The following SLC30A6 variants were observed in gnomAD, a reference collection of about 807,000 sequenced individuals.
SLC30A6 encodes zinc transporter 6.
A neutral mutation model predicts 63.0 loss-of-function variants in SLC30A6; 55 were observed. The observed-to-expected ratio is 0.87, with a 90% confidence interval of 0.70 to 1.09. The LOEUF (loss-of-function observed/expected upper bound fraction) is 1.09, where lower values mean the gene tolerates loss of function less well. SLC30A6 is among the 50% of genes least tolerant of loss of function. The pLI is 0.00. For synonymous variants in SLC30A6, 224 were observed against 186.1 expected, an observed-to-expected ratio of 1.20 and a Z score of -1.66; for missense variants, 587 against 549.2, an observed-to-expected ratio of 1.07 and a Z score of -0.69.
At chr2:32,187,179 A>G (rs909163979) in intron 5 of SLC30A6, 2 of 471,024 alleles carry the variant, frequency 4.2e-6, no homozygotes, top group Non-Finnish European at 4.4e-6. Context: ...TGTCCTGTTC[A>G]GTCTCTCAGA....
rs418486 is a variant in SLC30A6, at chr2:32,179,675, A to C, written c.218+4314A>C. On this transcript the variant is annotated intron_variant, in intron 4 of 13. Coordinates refer to ENST00000282587, the MANE Select transcript of SLC30A6 (RefSeq NM_017964.5). ...GTTTTGAGGTCCTAATGAGGGGAAAAAGCAAGATACACAACAGTGTATATA... is the reference window on the plus strand; with the variant it reads ...GTTTTGAGGTCCTAATGAGGGGAAACAGCAAGATACACAACAGTGTATATA... Among the ~76,000 whole-genome samples, 1,392 of 152,246 alleles carry C rather than the reference A, an allele frequency of 9.1e-3. 21 individuals are homozygous for C. Among genetic ancestry groups the C allele is most frequent in the African/African-American group, 0.031 (1,295 of 41,556 alleles).
intron 2 of SLC30A6, among the ~76,000 whole-genome samples, chr2:32,172,544 C>G (rs567342694): frequency 1.8e-4 from 27 of 152,176 alleles, no homozygotes; most frequent in African/African-American, 6.5e-4. Flanking sequence ...GTTCTCAACT[C>G]TTTTGTGCTC....
intron 3 of SLC30A6, 66 bp downstream of exon 3, chr2:32,174,213 G>A (rs1259148380): frequency 1.7e-6 from 2 of 1,175,868 alleles, no homozygotes; most frequent in Non-Finnish European, 2.5e-6. Context: ...TGGAAATAAA[G>A]GTATATCTTA....
chr2:32,191,778 T>C (rs780909540), intron 5 of SLC30A6, among the ~76,000 whole-genome samples: 1 of 152,144 alleles, frequency 6.6e-6, no homozygotes, highest in Non-Finnish European at 1.5e-5. Context: ...TAGTCCCATC[T>C]ACTCGGGAGG....
chr2:32,214,819 G>A (rs966470998), intron 13 of SLC30A6, among the ~76,000 whole-genome samples: 2 of 152,162 alleles, frequency 1.3e-5, no homozygotes, highest in South Asian at 4.1e-4. Flanking sequence ...TAATTACTTT[G>A]ATTTCCATAT....
At chr2:32,173,012 C>T (rs1681372656) in intron 2 of SLC30A6, among the ~76,000 whole-genome samples, 1 of 152,218 alleles carries the variant, frequency 6.6e-6, no homozygotes. Flanking sequence ...AATCCTTTCA[C>T]TTGTTGCCTA....
In SLC30A6 at chr2:32,175,361, G is replaced by A; in HGVS notation, c.218G>A (p.Ser73Asn). 1 of 1,610,490 alleles carries A rather than the reference G, an allele frequency of 6.2e-7. No homozygotes were observed. The highest frequency in any genetic ancestry group is 8.5e-7 in the Non-Finnish European group (1 of 1,179,010). The change falls in exon 4 of 14, where the codon AGT becomes AAT. Residue 73 changes from serine (S) to asparagine (N), a missense_variant and splice_region_variant. By Grantham distance (46) the Ser-to-Asn change is conservative (BLOSUM62 1). Transcript: ENST00000282587. Reference protein sequence around the residue: ...YTYLTIFDLFSLMTCLISYWV... With the variant: ...YTYLTIFDLFNLMTCLISYWV... ...TACCTGACCATTTTTGATCTTTTTAGGTAAGTTTTTAGGAAATCTTAATGT... is the reference window on the plus strand; with the variant it reads ...TACCTGACCATTTTTGATCTTTTTAAGTAAGTTTTTAGGAAATCTTAATGT...
intron 10 of SLC30A6, chr2:32,202,782 G>A (rs1684410130): frequency 6.9e-6 from 5 of 724,252 alleles, no homozygotes; most frequent in Non-Finnish European, 7.6e-6. Flanking sequence ...TTTTTCTGCA[G>A]CTCGCCCACA....
intron 8 of SLC30A6, among the ~76,000 whole-genome samples, chr2:32,196,725 A>G (rs1244205140): frequency 6.6e-6 from 1 of 152,134 alleles, no homozygotes; most frequent in Non-Finnish European, 1.5e-5. Flanking sequence ...GCCTGTACCT[A>G]TGGCCCGTTC....
rs1478115820 is a variant in SLC30A6, at chr2:32,193,969, C to T, written c.482C>T (p.Ala161Val). Residue 161 changes from alanine to valine, a missense_variant, in exon 8 of 14, where the codon GCT (alanine) becomes GTT (valine). Coordinates refer to ENST00000282587, the MANE Select transcript of SLC30A6 (RefSeq NM_017964.5). Reference protein sequence around the residue: ...TMLSIRNKPFAYVSEAASTSW... With the variant: ...TMLSIRNKPFVYVSEAASTSW... ...CTTTCTATTCGGAATAAACCTTTTG[C>T]TTATGTCTCAGAAGGTATGTTTTTT... 1 of 1,612,174 alleles carries T rather than the reference C, an allele frequency of 6.2e-7. No homozygotes were observed. Among genetic ancestry groups the T allele is most frequent in the African/African-American group, 1.3e-5 (1 of 74,826 alleles).
At chr2:32,212,734 C>G (rs1236023727) in intron 13 of SLC30A6, among the ~76,000 whole-genome samples, 1 of 150,984 alleles carries the variant, frequency 6.6e-6, no homozygotes, top group Non-Finnish European at 1.5e-5. Context: ...GTAGCTGGGA[C>G]TACAGGTGCA....
In SLC30A6 at chr2:32,197,745, T is replaced by C; in HGVS notation, c.584T>C (p.Leu195Pro). 4 of 1,614,174 alleles carry C rather than the reference T, an allele frequency of 2.5e-6. No homozygotes were observed. The highest frequency in any genetic ancestry group is 3.4e-6 in the Non-Finnish European group (4 of 1,179,998). The change falls in exon 10 of 14, where the codon CTT becomes CCT. Residue 195 changes from leucine (L) to proline (P), a missense_variant. Coordinates refer to ENST00000282587, the MANE Select transcript of SLC30A6 (RefSeq NM_017964.5). ...GIIPGLSSIFLPRMNPFVLID... is the reference protein window; with the variant it reads ...GIIPGLSSIFPPRMNPFVLID... ...ATTCCGGGACTTAGCAGTATCTTCC[T>C]TCCCCGAATGAATCCATTTGTTTTG...
intron 5 of SLC30A6, among the ~76,000 whole-genome samples, chr2:32,189,296 T>C (rs1683111101): frequency 6.7e-6 from 1 of 148,766 alleles, no homozygotes; most frequent in African/African-American, 2.5e-5. Flanking sequence ...TTTTTTTTTT[T>C]TTTTCTTTTT....
In SLC30A6 at chr2:32,216,534, A is replaced by AAAATAAATAAAT. The variant is rs199888607; in HGVS notation, c.886-3640_886-3629dup. 1.1e-3 allele frequency among the ~76,000 whole-genome samples: 144 copies of AAAATAAATAAAT among 133,082 alleles called. 1 individual carries two copies. The highest frequency in any genetic ancestry group is 2.5e-3 in the South Asian group (10 of 4,000). 87.3% of individuals were successfully genotyped at this position (133,082 alleles called of 152,430 possible). ...CTGGGCAAGAGAGCAAGACTCTCTC[A>AAAATAAATAAAT]AAATAAATAAATAAATAAATAAATA... On this transcript the variant is annotated intron_variant, in intron 13 of 13. Transcript: ENST00000282587.
Position 32,220,587 on chromosome 2 carries a change from C to T in SLC30A6, c.1260C>T (p.Tyr420=), listed in dbSNP as rs749173743. Residue 420 remains tyrosine (Y), a synonymous_variant, in exon 14 of 14, where the codon TAC becomes TAT. Transcript: ENST00000282587. ...GTCTCAATCATGGACACACACCTTA[C>T]AGCAGCATGCTTAATCAAGGACTTG... The part of the protein sequence containing the change: ...GFGLNHGHTP[Y]SSMLNQGLGV... The T allele has an allele frequency of 1.9e-6, 3 of 1,614,202 alleles. No homozygotes were observed. Among genetic ancestry groups the T allele is most frequent in the African/African-American group, 2.7e-5 (2 of 75,050 alleles).
intron 10 of SLC30A6, chr2:32,202,198 C>A: frequency 2.5e-6 from 2 of 808,408 alleles, no homozygotes; most frequent in South Asian, 3.4e-5. Context: ...CTTTCCTGTT[C>A]AAGTTAAGAC....
Position 32,204,583 on chromosome 2 carries a change from C to G in SLC30A6, c.666-7C>G. On this transcript the variant is annotated splice_polypyrimidine_tract_variant and splice_region_variant and intron_variant, in intron 10 of 13. Transcript: ENST00000282587. The stretch of plus-strand genomic sequence containing the variant: ...ATTTAAAATTTAGAATTGTTTTTTC[C>G]TTTTAGTAATTATTTTGCCGTAGAC... The G allele has an allele frequency of 6.3e-7, 1 of 1,597,086 alleles. No homozygotes were observed. Among genetic ancestry groups the G allele is most frequent in the Non-Finnish European group, 8.6e-7 (1 of 1,167,360 alleles).
At chr2:32,201,704 A>G in intron 10 of SLC30A6, 7 of 1,410,190 alleles carry the variant, frequency 5.0e-6, no homozygotes, top group Non-Finnish European at 6.9e-6. Flanking sequence ...TGGATATCAC[A>G]GTTTCGGCTA....
chr2:32,203,082 G>T lies in SLC30A6; in HGVS notation c.666-1508G>T, dbSNP rs1438698870. ...TGGGGACATTGCACAGTCACAAAGA[G>T]AATTTACACTAAAAGACTTCAGAGA... On this transcript the variant is annotated intron_variant, in intron 10 of 13. Transcript: ENST00000282587. The T allele has an allele frequency of 3.8e-6, 5 of 1,307,156 alleles. No homozygotes were observed. In the South Asian group the frequency reaches 5.9e-5, roughly 15 times the overall value. The allele number at this position is 1,307,156 out of a possible 1,614,324, so 81.0% of individuals were successfully genotyped here.
Sources: gnomAD v4.1 joint callset for allele counts (sites outside exome capture counted in the v4.1 genomes callset) on GRCh38, gnomAD v4.1.1 for gene constraint, MANE v1.5 for transcripts, NCBI Gene and HGNC (gene_info 2026-07-23, HGNC 2026-07-21) for gene names.